The following YJU2 variants were observed in gnomAD, a reference collection of about 807,000 sequenced individuals.
YJU2 encodes YJU2 splicing factor homolog, also known as splicing factor YJU2.
YJU2 carries 28 observed loss-of-function variants against 39.6 expected under a neutral mutation model. The ratio of observed to expected loss-of-function variants is 0.71; its 90% CI spans 0.52 to 0.97. YJU2 has a LOEUF of 0.97. Among genes scored for constraint, YJU2 ranks in the 50% least tolerant of loss-of-function variants. The pLI is 0.00. For synonymous variants in YJU2, 184 were observed against 182.4 expected, an observed-to-expected ratio of 1.01 and a Z score of -0.07; for missense variants, 328 against 430.4, an observed-to-expected ratio of 0.76 and a Z score of 2.11.
At chr19:4,263,852 G>C (rs1971092667) in intron 6 of YJU2, among the ~76,000 whole-genome samples, 1 of 149,014 alleles carries the variant, frequency 6.7e-6, no homozygotes, top group African/African-American at 2.5e-5. Flanking sequence ...TTTGGTGGAT[G>C]ACCAGCATTT....
chr19:4,261,327 C>T (rs1242740331), intron 5 of YJU2, among the ~76,000 whole-genome samples: 4 of 152,114 alleles, frequency 2.6e-5, no homozygotes, highest in African/African-American at 9.7e-5. Context: ...CCCGCCTCTA[C>T]TAAAAATACA....
chr19:4,258,000 A>G (rs945027630), intron 4 of YJU2, among the ~76,000 whole-genome samples: 2 of 152,256 alleles, frequency 1.3e-5, no homozygotes, highest in South Asian at 2.1e-4. Context: ...ACCCTGCCCC[A>G]GGGCTCAGAT....
Position 4,269,071 on chromosome 19 carries a change from TA to T in YJU2, c.*379del. 5.2e-6 allele frequency: 1 copy of T among 193,918 alleles called. No homozygotes were observed. The highest frequency in any genetic ancestry group is 1.1e-5 in the Non-Finnish European group (1 of 93,778). The allele number at this position is 193,918 out of a possible 1,614,324, so 12.0% of individuals were successfully genotyped here. ...CCTTCCACAAACTGTCTAGAACCAA[TA>T]AAAGGAAACCTGCCAACCGCCTGGG... is the stretch of plus-strand genomic sequence containing the variant. On this transcript the variant is annotated 3_prime_UTR_variant, in exon 8 of 8. Transcript: ENST00000262962.
chr19:4,247,118 G>A lies in YJU2; in HGVS notation c.-29G>A, dbSNP rs1026395057. ...AATTACCCAGCCTAACCATTTCTCAGGTGCTTGCGAGGTGATCAGAAGGCA... is the reference window on the plus strand; with the variant it reads ...AATTACCCAGCCTAACCATTTCTCAAGTGCTTGCGAGGTGATCAGAAGGCA... On this transcript the variant is annotated 5_prime_UTR_variant, in exon 1 of 8. Transcript: ENST00000262962. 15 of 1,611,812 alleles carry A rather than the reference G, an allele frequency of 9.3e-6. No homozygotes were observed. In the African/African-American group the frequency reaches 1.3e-4, roughly 14 times the overall value.
chr19:4,253,581 C>A (rs8112058), intron 3 of YJU2, among the ~76,000 whole-genome samples: 60,965 of 151,244 alleles, frequency 0.4, 14,127 homozygotes, highest in African/African-American at 0.64. Flanking sequence ...ACCCTGTCCC[C>A]AAAAAAATAA....
At position 4,264,875 on chromosome 19, in the gene YJU2, G is replaced by A. The variant is rs145763154; in HGVS notation, c.709-2749G>A. On this transcript the variant is annotated intron_variant, in intron 6 of 7. Coordinates refer to ENST00000262962, the MANE Select transcript of YJU2 (RefSeq NM_018074.6). ...GCACCTGGCCTCAAGCAGTTCTCCC[G>A]CCAAGGCACAGGGATTACAGACATC... is the stretch of plus-strand genomic sequence containing the variant. Among the ~76,000 whole-genome samples, 13 of 152,116 alleles carry A rather than the reference G, an allele frequency of 8.5e-5. No homozygotes were observed. In the East Asian group the frequency reaches 1.7e-3, roughly 20 times the overall value.
chr19:4,257,484 A>T (rs1047148209), intron 4 of YJU2, among the ~76,000 whole-genome samples: 2 of 150,148 alleles, frequency 1.3e-5, no homozygotes, highest in Non-Finnish European at 3.0e-5. Context: ...TTATTTATTT[A>T]TTTTTTTGAG....
intron 3 of YJU2, 100 bp downstream of exon 3, chr19:4,251,271 A>T: frequency 8.6e-7 from 1 of 1,167,464 alleles, no homozygotes; most frequent in Non-Finnish European, 1.2e-6. Context: ...CCATCCAGGG[A>T]ATCTCATTTC....
intron 2 of YJU2, among the ~76,000 whole-genome samples, chr19:4,249,786 A>C (rs557968852): frequency 6.6e-6 from 1 of 151,472 alleles, no homozygotes; most frequent in Admixed American, 6.6e-5. Flanking sequence ...AGCTCACTGC[A>C]ACCTCCACCT....
chr19:4,256,446 G>T (rs1011629520), intron 4 of YJU2, among the ~76,000 whole-genome samples: 3 of 152,010 alleles, frequency 2.0e-5, no homozygotes, highest in African/African-American at 7.2e-5. Context: ...CAAGGGTTTG[G>T]TGTGTGCCTG....
intron 6 of YJU2, among the ~76,000 whole-genome samples, chr19:4,267,198 G>C (rs1380177228): frequency 6.6e-6 from 1 of 152,054 alleles, no homozygotes; most frequent in East Asian, 1.9e-4. Context: ...AGTTATAACA[G>C]CCAGCAGAGG....
At chr19:4,259,579 T>C (rs1971054755) in intron 5 of YJU2, among the ~76,000 whole-genome samples, 1 of 152,036 alleles carries the variant, frequency 6.6e-6, no homozygotes, top group South Asian at 2.1e-4. Context: ...AGGACCTCGC[T>C]ATGTTGGACA....
chr19:4,265,979 C>T (rs1225733350), intron 6 of YJU2, among the ~76,000 whole-genome samples: 2 of 134,890 alleles, frequency 1.5e-5, no homozygotes, highest in Non-Finnish European at 3.2e-5. Context: ...TTCGAGACGG[C>T]GTCTCGCCCT....
rs139960584 is a variant in YJU2, at chr19:4,264,084, A to C, written c.708+1970A>C. ...GAGATCATCCTATCTAACACGGTGAAACCCCATCTCTGCTAAAAATACAAA... is the reference window on the plus strand; with the variant it reads ...GAGATCATCCTATCTAACACGGTGACACCCCATCTCTGCTAAAAATACAAA... On this transcript the variant is annotated intron_variant, in intron 6 of 7. Coordinates refer to ENST00000262962, the MANE Select transcript of YJU2 (RefSeq NM_018074.6). 7.6e-4 allele frequency among the ~76,000 whole-genome samples: 115 copies of C among 151,628 alleles called. 2 individuals carry two copies. In the Middle Eastern group the frequency reaches 0.017, roughly 22 times the overall value.
chr19:4,268,895 T>C lies in YJU2; in HGVS notation c.*199T>C. 1.7e-6 allele frequency: 1 copy of C among 580,742 alleles called. No homozygotes were observed. The highest frequency in any genetic ancestry group is 2.9e-5 in the East Asian group (1 of 34,904). The allele number at this position is 580,742 out of a possible 1,614,324, so 36.0% of individuals were successfully genotyped here. A position where few individuals can be genotyped will look rare whatever the true frequency, so the allele number is the denominator to read the frequency against. On this transcript the variant is annotated 3_prime_UTR_variant, in exon 8 of 8. Coordinates refer to ENST00000262962, the MANE Select transcript of YJU2 (RefSeq NM_018074.6). ...CCTTCTCTGTGCCCTCACCAGCCTC[T>C]CAACACCTCGGGGACCCCTGCTGCT...
intron 3 of YJU2, among the ~76,000 whole-genome samples, chr19:4,252,272 C>T (rs1268461176): frequency 6.7e-6 from 1 of 150,238 alleles, no homozygotes; most frequent in Non-Finnish European, 1.5e-5. Context: ...CCAGCCTGGA[C>T]AACATGATGA....
intron 7 of YJU2, 85 bp downstream of exon 7, chr19:4,267,859 T>C (rs962341487): frequency 4.5e-6 from 6 of 1,330,536 alleles, no homozygotes; most frequent in Non-Finnish European, 4.1e-6. Context: ...TTACAGAGAC[T>C]TCATGGGGTG....
chr19:4,268,824 G>T lies in YJU2; in HGVS notation c.*128G>T. The T allele has an allele frequency of 1.5e-6, 1 of 685,374 alleles. No individual in the cohort carries two copies. The highest frequency in any genetic ancestry group is 2.5e-6 in the Non-Finnish European group (1 of 397,824). The allele number at this position is 685,374 out of a possible 1,614,324, so 42.5% of individuals were successfully genotyped here. On this transcript the variant is annotated 3_prime_UTR_variant, in exon 8 of 8. Transcript: ENST00000262962. Reference sequence around the variant, plus strand: ...GGAGGCCGGACAGACAAGCGCCAGCGTGCTCCAACACATAGGGCCACCAGG... The same window carrying T: ...GGAGGCCGGACAGACAAGCGCCAGCTTGCTCCAACACATAGGGCCACCAGG...
chr19:4,263,827 AAAGG>A (rs1971092368), intron 6 of YJU2, among the ~76,000 whole-genome samples: 1 of 150,660 alleles, frequency 6.6e-6, no homozygotes. Flanking sequence ...AAAAAAAAAA[AAAGG>A]AGGAAGGAGT....
Sources: allele counts gnomAD v4.1 joint callset (sites outside exome capture counted in the v4.1 genomes callset), GRCh38; gene constraint gnomAD v4.1.1; transcripts MANE v1.5; gene names NCBI Gene and HGNC (gene_info 2026-07-23, HGNC 2026-07-21).